NUDC: variants seen among roughly 807,000 people sequenced by gnomAD.
NUDC encodes the protein nuclear migration protein nudC.
In NUDC, 14 loss-of-function variants were observed where a neutral mutation model predicts 45.0. The ratio of observed to expected loss-of-function variants is 0.31; its 90% confidence interval spans 0.21 to 0.49. The LOEUF is 0.49. NUDC is among the 20% of genes least tolerant of loss of function. The probability of loss-of-function intolerance (pLI) is 0.99; values close to 1 mark genes in which losing one functional copy is unlikely to be tolerated. For missense variants in NUDC, 323 were observed against 426.2 expected (o/e 0.76, Z 2.13); for synonymous variants, 153 against 156.7 (o/e 0.98, Z 0.17).
chr1:26,908,959 C>T (rs2082013759), intron 2 of NUDC, among the ~76,000 whole-genome samples: 1 of 149,016 alleles, frequency 6.7e-6, no homozygotes, highest in Non-Finnish European at 1.5e-5. Flanking sequence ...ACTCCGACCT[C>T]GTGATCCGCC....
intron 2 of NUDC, among the ~76,000 whole-genome samples, chr1:26,936,111 G>C (rs2082227506): frequency 2.7e-5 from 3 of 109,254 alleles, no homozygotes. Flanking sequence ...TGGGATTACA[G>C]GCACCCACCA....
chr1:26,922,241 A>G (rs2082097737), intron 1 of NUDC: 1 of 473,474 alleles, frequency 2.1e-6, no homozygotes, highest in Non-Finnish European at 3.9e-6. Flanking sequence ...AGCATCCCTT[A>G]GTAAGAACCG....
intron 1 of NUDC, among the ~76,000 whole-genome samples, chr1:26,922,886 C>G (rs531998209): frequency 6.6e-6 from 1 of 152,318 alleles, no homozygotes; most frequent in Admixed American, 6.5e-5. Context: ...AAAAGCCTTC[C>G]TGTCTCCATT....
At chr1:26,901,206 G>A (rs1233455317) in intron 1 of NUDC, among the ~76,000 whole-genome samples, 4 of 151,432 alleles carry the variant, frequency 2.6e-5, no homozygotes, top group South Asian at 2.1e-4. Flanking sequence ...TCGCTCTGTC[G>A]CCCAGGCTGG....
At chr1:26,941,888 C>T in intron 4 of NUDC, 70 bp downstream of exon 4, 1 of 1,451,386 alleles carries the variant, frequency 6.9e-7, no homozygotes, top group Admixed American at 1.7e-5. Flanking sequence ...CTGCCTACTG[C>T]TTTCTCTGGA....
intron 1 of NUDC, among the ~76,000 whole-genome samples, chr1:26,923,258 C>T (rs2082105487): frequency 6.6e-6 from 1 of 152,186 alleles, no homozygotes; most frequent in South Asian, 2.1e-4. Flanking sequence ...ACCTCCTTGA[C>T]CTCATGATCC....
At chr1:26,918,464 TG>T (rs2124083297), upstream of NUDC, among the ~76,000 whole-genome samples, 1 of 151,930 alleles carries the variant, frequency 6.6e-6, no homozygotes, top group South Asian at 2.1e-4. Flanking sequence ...TTAGTAGAGA[TG>T]GGGTTTTACC....
At position 26,946,264 on chromosome 1, in the gene NUDC, G is replaced by A; in HGVS notation, c.*83G>A. ...TCCCACTCTTCTCTGGGACTTGTGG[G>A]CCTCAGGGCTTGGGGCAGGCATGGG... On this transcript the variant is annotated 3_prime_UTR_variant, in exon 9 of 9. Coordinates refer to ENST00000321265, the MANE Select transcript of NUDC (RefSeq NM_006600.4). 1 of 1,255,516 alleles carries A rather than the reference G, an allele frequency of 8.0e-7. No individual in the cohort carries two copies. Among genetic ancestry groups the A allele is most frequent in the South Asian group, 1.2e-5 (1 of 83,644 alleles). 77.8% of individuals were successfully genotyped at this position (1,255,516 alleles called of 1,614,324 possible). A position where few individuals can be genotyped will look rare whatever the true frequency, so the allele number is the denominator to read the frequency against.
At chr1:26,901,067 C>T (rs2081976259) in intron 1 of NUDC, among the ~76,000 whole-genome samples, 1 of 152,134 alleles carries the variant, frequency 6.6e-6, no homozygotes, top group Non-Finnish European at 1.5e-5. Flanking sequence ...CTCTCATACA[C>T]TGTTGGTGGA....
At chr1:26,902,600 C>G (rs1314773511) in intron 2 of NUDC, among the ~76,000 whole-genome samples, 1 of 152,094 alleles carries the variant, frequency 6.6e-6, no homozygotes, top group Non-Finnish European at 1.5e-5. Flanking sequence ...TAAAATCTCT[C>G]CTGGCAGGGT....
upstream of NUDC, among the ~76,000 whole-genome samples, chr1:26,921,153 T>C (rs1178131139): frequency 6.6e-6 from 1 of 152,194 alleles, no homozygotes; most frequent in Non-Finnish European, 1.5e-5. Context: ...TTTCAGCACC[T>C]GTCATAATTT....
chr1:26,921,917 C>T lies in NUDC; in HGVS notation c.69C>T (p.Gly23=), dbSNP rs762964836. ...MLLAMAQQHE[G]GVQELVNTFF... is the part of the protein sequence containing the mutation. The stretch of plus-strand genomic sequence containing the variant: ...TGGCCATGGCTCAGCAGCACGAGGG[C>T]GGCGTGCAGGAGGTAACGGCCCGCG... The change falls in exon 1 of 9, where the codon GGC becomes GGT. Residue 23 remains glycine (G), a synonymous_variant. Transcript: ENST00000321265. 25 of 1,552,672 alleles carry T rather than the reference C, an allele frequency of 1.6e-5. 1 individual carries two copies. In the South Asian group the frequency reaches 2.9e-4, roughly 18 times the overall value.
intron 2 of NUDC, among the ~76,000 whole-genome samples, chr1:26,908,683 G>A (rs1474549936): frequency 6.6e-6 from 1 of 151,804 alleles, no homozygotes; most frequent in African/African-American, 2.4e-5. Flanking sequence ...TCAGCCTCTC[G>A]AGTGGCTGGG....
At chr1:26,907,511 T>C (rs2082007561) in intron 2 of NUDC, among the ~76,000 whole-genome samples, 1 of 151,698 alleles carries the variant, frequency 6.6e-6, no homozygotes, top group South Asian at 2.1e-4. Context: ...AATGGATGGA[T>C]AGTGGGTGTT....
intron 2 of NUDC, among the ~76,000 whole-genome samples, chr1:26,904,445 C>G (rs142495571): frequency 2.6e-5 from 4 of 152,038 alleles, no homozygotes; most frequent in African/African-American, 9.7e-5. Flanking sequence ...TATTTTTTAG[C>G]GATAGTGTCT....
intron 2 of NUDC, among the ~76,000 whole-genome samples, chr1:26,906,004 G>C (rs530040347): frequency 1.3e-5 from 2 of 152,244 alleles, no homozygotes; most frequent in African/African-American, 4.8e-5. Context: ...ATAAAAGGCC[G>C]AGCGCAGTGG....
rs1280894144 is a variant in NUDC at position 26,941,622 on chromosome 1, G to A, written c.325G>A (p.Asp109Asn). 2 of 1,612,526 alleles carry A rather than the reference G, an allele frequency of 1.2e-6. No homozygotes were observed. The highest frequency in any genetic ancestry group is 2.7e-5 in the African/African-American group (2 of 74,920). ...TSGPQIKELT[D>N]EEAERLQLEI... ...AGGGCCCCAGATCAAGGAGCTAACT[G>A]ATGAAGAGGCAGAGAGGCTGCAGCT... Residue 109 changes from aspartate (D) to asparagine (N), a missense_variant, in exon 3 of 9, where the codon GAT (aspartate) becomes AAT (asparagine). Physicochemically the swap from Asp to Asn is conservative, Grantham distance 23. Transcript: ENST00000321265.
intron 1 of NUDC, among the ~76,000 whole-genome samples, chr1:26,923,780 C>T (rs1387618954): frequency 6.6e-6 from 1 of 152,084 alleles, no homozygotes; most frequent in Non-Finnish European, 1.5e-5. Context: ...GGGCTTTTTA[C>T]TTTCTGGAGA....
chr1:26,921,963 G>A, intron 1 of NUDC, 34 bp downstream of exon 1: 1 of 1,544,456 alleles, frequency 6.5e-7, no homozygotes, highest in Non-Finnish European at 8.8e-7. Context: ...CCACCCGGCG[G>A]CCTTGGCCAC....
Sources: gnomAD v4.1 joint callset for allele counts (sites outside exome capture counted in the v4.1 genomes callset) on GRCh38, gnomAD v4.1.1 for gene constraint, MANE v1.5 for transcripts, NCBI Gene and HGNC (gene_info 2026-07-23, HGNC 2026-07-21) for gene names.